The following CEMIP variants were observed in gnomAD, a reference collection of about 807,000 sequenced individuals.
The protein encoded by CEMIP is cell migration-inducing and hyaluronan-binding protein.
Under a neutral mutation model 156.9 loss-of-function variants are expected in CEMIP, and 105 were observed. That is an observed-to-expected ratio of 0.67 (90% CI 0.57 to 0.79). The LOEUF is 0.79. Among genes scored for constraint, CEMIP ranks in the 30% least tolerant of loss-of-function variants. CEMIP has a pLI of 0.00. For synonymous variants in CEMIP, 676 were observed against 668.4 expected, an observed-to-expected ratio of 1.01 and a Z score of -0.17; for missense variants, 1,457 against 1,769.4, an observed-to-expected ratio of 0.82 and a Z score of 3.17.
chr15:80,914,125 G>A (rs1429822231), intron 14 of CEMIP, among the ~76,000 whole-genome samples: 2 of 152,198 alleles, frequency 1.3e-5, no homozygotes, highest in Non-Finnish European at 2.9e-5. Flanking sequence ...AGTGGGGGTG[G>A]GGGATGCAAA....
At position 80,932,790 on chromosome 15, in the gene CEMIP, C is replaced by T. The variant is rs149814184; in HGVS notation, c.2794-455C>T. ...ATGCTGCAAAACTGTCTTCCTGAAA[C>T]GTGCCACATGCATCTTCTCTCGCAC... On this transcript the variant is annotated intron_variant, in intron 22 of 29. Transcript: ENST00000394685. This position sits in a 1 kb window ranked among gnomAD's most constrained non-coding sequence, Gnocchi z 4.5. Among the ~76,000 whole-genome samples the T allele has an allele frequency of 1.0e-3, 155 of 152,334 alleles. 1 individual carries two copies. The highest frequency in any genetic ancestry group is 3.6e-3 in the African/African-American group (149 of 41,576).
At chr15:80,935,469 T>C (rs1901086558) in intron 23 of CEMIP, among the ~76,000 whole-genome samples, 1 of 152,220 alleles carries the variant, frequency 6.6e-6, no homozygotes, top group African/African-American at 2.4e-5. Flanking sequence ...CGGTTATTCA[T>C]AATATTTTCC....
At chr15:80,842,241 C>T (rs1226902222) in intron 1 of CEMIP, among the ~76,000 whole-genome samples, 5 of 152,146 alleles carry the variant, frequency 3.3e-5, no homozygotes, top group Non-Finnish European at 5.9e-5. Context: ...GAATTACGCA[C>T]AAAGTAGCTT....
intron 12 of CEMIP, among the ~76,000 whole-genome samples, chr15:80,898,968 A>G (rs1899346574): frequency 1.3e-5 from 2 of 152,176 alleles, no homozygotes; most frequent in Admixed American, 1.3e-4. Context: ...TAATTCCAGG[A>G]CTTTGGGATG....
chr15:80,915,650 G>T (rs1900242983), intron 14 of CEMIP, among the ~76,000 whole-genome samples: 1 of 152,040 alleles, frequency 6.6e-6, no homozygotes, highest in Non-Finnish European at 1.5e-5. Flanking sequence ...TAGACCAAAC[G>T]CTTCCCCCCA....
At chr15:80,807,902 T>TCAGGGAGCACCTGTGTGCTCCTGGA (rs1272245831) in intron 1 of CEMIP, among the ~76,000 whole-genome samples, 4 of 152,220 alleles carry the variant, frequency 2.6e-5, no homozygotes, top group Admixed American at 6.5e-5. Context: ...AGAGCATGTG[T>TCAGGGAGCACCTGTGTGCTCCTGGA]CAGGGAGCAC....
In CEMIP at chr15:80,910,063, CG is replaced by C. The variant is rs1307882690; in HGVS notation, c.1797+759del. Among the ~76,000 whole-genome samples, 4 of 152,110 alleles carry C rather than the reference CG, an allele frequency of 2.6e-5. No individual in the cohort carries two copies. The East Asian group carries it at 7.7e-4, about 29-fold the overall frequency. ...TTATATCCTCTATAAACTTTAAAAC[CG>C]GATGTCACAGAATGACACCCTTTAA... On this transcript the variant is annotated intron_variant, in intron 14 of 29. Coordinates refer to ENST00000394685, the MANE Select transcript of CEMIP (RefSeq NM_001293298.2).
At chr15:80,855,238 T>C (rs928988484) in intron 1 of CEMIP, among the ~76,000 whole-genome samples, 4 of 152,086 alleles carry the variant, frequency 2.6e-5, no homozygotes, top group African/African-American at 7.2e-5. Flanking sequence ...CACCAACATA[T>C]AGTAACATTT....
chr15:80,836,023 TAAAA>T (rs60069943), intron 1 of CEMIP, among the ~76,000 whole-genome samples: 4 of 148,346 alleles, frequency 2.7e-5, no homozygotes, highest in Non-Finnish European at 5.9e-5. Context: ...GGTTTGCTCA[TAAAA>T]AAAAAGTGGC....
chr15:80,941,125 G>C (rs1472588368), intron 25 of CEMIP, among the ~76,000 whole-genome samples: 1 of 152,170 alleles, frequency 6.6e-6, no homozygotes, highest in Non-Finnish European at 1.5e-5. Context: ...TGCAAACCCA[G>C]CTCCCTAGTC....
rs1900418715 is a variant in CEMIP at position 80,920,160 on chromosome 15, C to T, written c.1864C>T (p.Arg622Cys). 5 of 1,614,172 alleles carry T rather than the reference C, an allele frequency of 3.1e-6. No individual in the cohort carries two copies. Among genetic ancestry groups the T allele is most frequent in the East Asian group, 4.5e-5 (2 of 44,868 alleles). ...CFFTEDGPEE[R>C]NTFDHCLGLL... Reference sequence around the variant, plus strand: ...CTTCACGGAAGATGGGCCGGAGGAACGCAACACTTTTGACCACTGTCTTGG... The same window carrying T: ...CTTCACGGAAGATGGGCCGGAGGAATGCAACACTTTTGACCACTGTCTTGG... The change falls in exon 15 of 30, where the codon CGC becomes TGC. Residue 622 changes from arginine (R) to cysteine (C), a missense_variant. This residue lies in a region of CEMIP where 798 missense variants were observed against 980.1 expected (regional missense o/e 0.81). Coordinates refer to ENST00000394685, the MANE Select transcript of CEMIP (RefSeq NM_001293298.2).
rs531287033 is a variant in CEMIP at position 80,894,227 on chromosome 15, C to T, written c.1087-763C>T. Among the ~76,000 whole-genome samples, 4 of 152,284 alleles carry T rather than the reference C, an allele frequency of 2.6e-5. No homozygotes were observed. In the South Asian group the frequency reaches 6.2e-4, roughly 24 times the overall value. ...TTGAACAAAAGACATTAGGCGGCTT[C>T]CACCTTAGGGCAAGAGTGGATGGGG... On this transcript the variant is annotated intron_variant, in intron 10 of 29. Coordinates refer to ENST00000394685, the MANE Select transcript of CEMIP (RefSeq NM_001293298.2).
At chr15:80,821,919 G>T (rs775248641) in intron 1 of CEMIP, among the ~76,000 whole-genome samples, 1 of 152,242 alleles carries the variant, frequency 6.6e-6, no homozygotes, top group Non-Finnish European at 1.5e-5. Context: ...TCTAGAGGCC[G>T]CCATGTTGGA....
At chr15:80,797,139 C>A (rs1300670882) in intron 1 of CEMIP, among the ~76,000 whole-genome samples, 4 of 152,090 alleles carry the variant, frequency 2.6e-5, no homozygotes, top group Admixed American at 6.5e-5. Flanking sequence ...GTTTGACGAA[C>A]CTGGCCAGAA....
chr15:80,790,653 A>G (rs1225293681), intron 1 of CEMIP, among the ~76,000 whole-genome samples: 1 of 152,230 alleles, frequency 6.6e-6, no homozygotes, highest in Non-Finnish European at 1.5e-5. Context: ...GCTCTTCATA[A>G]TAACTAATGT....
intron 1 of CEMIP, among the ~76,000 whole-genome samples, chr15:80,851,072 G>A (rs1897705208): frequency 6.6e-6 from 1 of 152,220 alleles, no homozygotes. Context: ...TCTGGCTTGA[G>A]TCAGGCATTC....
chr15:80,829,009 G>C (rs73501025), intron 1 of CEMIP, among the ~76,000 whole-genome samples: 36,289 of 152,160 alleles, frequency 0.24, 4,518 homozygotes, highest in South Asian at 0.35. Context: ...AAATTAAAGT[G>C]GAGAACAGCT....
At chr15:80,875,857 C>CA (rs978931309) in intron 3 of CEMIP, among the ~76,000 whole-genome samples, 3 of 151,912 alleles carry the variant, frequency 2.0e-5, no homozygotes, top group African/African-American at 7.3e-5. Context: ...TGTCCAGCTC[C>CA]AAAAAAAGGA....
chr15:80,896,492 T>C (rs1374417441), intron 12 of CEMIP: 7 of 373,338 alleles, frequency 1.9e-5, no homozygotes, highest in Admixed American at 1.8e-4. Context: ...CATATGTCTG[T>C]CACCAAGTTT....
Sources: gnomAD v4.1 joint callset for allele counts (sites outside exome capture counted in the v4.1 genomes callset) on GRCh38, gnomAD v4.1.1 for gene constraint, gnomAD v4.1.1 regional missense constraint, Gnocchi (gnomAD v3.1) non-coding constraint, MANE v1.5 for transcripts, NCBI Gene and HGNC (gene_info 2026-07-23, HGNC 2026-07-21) for gene names.